PALM2AKAP2: variants seen among roughly 807,000 people sequenced by gnomAD.
PALM2AKAP2 encodes PALM2-AKAP2 fusion protein.
A neutral mutation model predicts 71.5 loss-of-function variants in PALM2AKAP2; 37 were observed. That is an observed-to-expected ratio of 0.52 (90% CI 0.40 to 0.68). PALM2AKAP2 has a LOEUF of 0.68. Ranked by LOEUF, PALM2AKAP2 falls within the 30% of genes least tolerant of loss-of-function variation. The probability of loss-of-function intolerance (pLI) is 0.00; values close to 1 mark genes in which losing one functional copy is unlikely to be tolerated. For missense variants in PALM2AKAP2, 1,224 were observed against 1,191.8 expected, an observed-to-expected ratio of 1.03 and a Z score of -0.40; for synonymous variants, 468 against 478.8, an observed-to-expected ratio of 0.98 and a Z score of 0.29.
chr9:109,861,767 A>G (rs1401177747), intron 1 of PALM2AKAP2, among the ~76,000 whole-genome samples: 9 of 152,148 alleles, frequency 5.9e-5, no homozygotes, highest in Non-Finnish European at 1.3e-4. Context: ...AGCAACAGTA[A>G]TTTATTTCAT....
At chr9:109,784,491 A>G (rs1274726286) in intron 1 of PALM2AKAP2, among the ~76,000 whole-genome samples, 4 of 152,240 alleles carry the variant, frequency 2.6e-5, no homozygotes, top group Non-Finnish European at 5.9e-5. Flanking sequence ...TATTCAGGAC[A>G]TTTAGTGTGA....
chr9:109,687,497 T>A (rs1277000492), intron 1 of PALM2AKAP2, among the ~76,000 whole-genome samples: 1 of 152,226 alleles, frequency 6.6e-6, no homozygotes, highest in Non-Finnish European at 1.5e-5. Context: ...TCAAACCTCA[T>A]GAACGAACCT....
intron 1 of PALM2AKAP2, among the ~76,000 whole-genome samples, chr9:109,794,596 G>T (rs1827200671): frequency 6.6e-6 from 1 of 152,046 alleles, no homozygotes; most frequent in Admixed American, 6.6e-5. Context: ...GGAACCCTTG[G>T]GACCAGGGCC....
intron 1 of PALM2AKAP2, among the ~76,000 whole-genome samples, chr9:110,103,373 T>C (rs1835045236): frequency 6.6e-6 from 1 of 152,214 alleles, no homozygotes; most frequent in East Asian, 1.9e-4. Context: ...TCATAGTCAC[T>C]GCATAGCTTG....
chr9:109,798,605 T>A (rs945672338), intron 1 of PALM2AKAP2, among the ~76,000 whole-genome samples: 1 of 152,208 alleles, frequency 6.6e-6, no homozygotes, highest in African/African-American at 2.4e-5. Flanking sequence ...GTTAAAAACA[T>A]TGGGCAAAGC....
chr9:109,734,166 C>G (rs909391067), intron 1 of PALM2AKAP2, among the ~76,000 whole-genome samples: 6 of 152,206 alleles, frequency 3.9e-5, no homozygotes, highest in Non-Finnish European at 8.8e-5. Flanking sequence ...ATTCCCACTA[C>G]TGGATTATCT....
chr9:109,643,901 G>C (rs1424518475), intron 1 of PALM2AKAP2, among the ~76,000 whole-genome samples: 5 of 152,202 alleles, frequency 3.3e-5, no homozygotes, highest in African/African-American at 1.2e-4. Flanking sequence ...AGTCAGCTCA[G>C]CTTCCGGTGA....
In PALM2AKAP2 at chr9:109,788,133, A is replaced by G. The variant is rs867629904; in HGVS notation, c.45+7600A>G. ...ACATCTAGATAGGTAATTGCTCTCTAACTCAACCAAAACAAATCTAAACCA... is the reference window on the plus strand; with the variant it reads ...ACATCTAGATAGGTAATTGCTCTCTGACTCAACCAAAACAAATCTAAACCA... On this transcript the variant is annotated intron_variant, in intron 1 of 9. Coordinates refer to the PALM2AKAP2 transcript ENST00000302798. 4.6e-5 allele frequency among the ~76,000 whole-genome samples: 7 copies of G among 152,334 alleles called. No individual in the cohort carries two copies. In the Middle Eastern group the frequency reaches 0.017, roughly 370 times the overall value.
chr9:110,172,261 G>A (rs896573646), exon 4 of PALM2AKAP2: 5 of 152,442 alleles, frequency 3.3e-5, no homozygotes, highest in African/African-American at 1.2e-4. Flanking sequence ...AGCATTCAGT[G>A]AGCTGCCAAT....
upstream of PALM2AKAP2, among the ~76,000 whole-genome samples, chr9:109,778,031 C>T (rs1454202037): frequency 6.6e-6 from 1 of 152,208 alleles, no homozygotes; most frequent in Non-Finnish European, 1.5e-5. Flanking sequence ...TCCATCACTC[C>T]TTTTAAAAAT....
intron 3 of PALM2AKAP2, among the ~76,000 whole-genome samples, chr9:110,168,182 A>G (rs1333328103): frequency 6.6e-6 from 1 of 152,234 alleles, no homozygotes; most frequent in Non-Finnish European, 1.5e-5. Flanking sequence ...GGTGAAAACT[A>G]GGGGTCAAGT....
At chr9:110,004,530 GTATCTTT>G (rs1324105774) in intron 6 of PALM2AKAP2, among the ~76,000 whole-genome samples, 2 of 152,152 alleles carry the variant, frequency 1.3e-5, no homozygotes, top group African/African-American at 4.8e-5. Flanking sequence ...TTCTCGAGGA[GTATCTTT>G]TTGGCATTCT....
chr9:110,160,355 A>C (rs942312101), intron 3 of PALM2AKAP2, among the ~76,000 whole-genome samples: 4 of 152,202 alleles, frequency 2.6e-5, no homozygotes, highest in African/African-American at 9.7e-5. Context: ...ATGTCCACTT[A>C]TCTGGGTCTC....
At chr9:109,969,451 C>T (rs138913337) in intron 6 of PALM2AKAP2, among the ~76,000 whole-genome samples, 32 of 152,306 alleles carry the variant, frequency 2.1e-4, no homozygotes, top group African/African-American at 7.7e-4. Flanking sequence ...GCAAGAAGTG[C>T]CACTTTGTTT....
chr9:109,848,518 TC>T (rs1267933457), intron 1 of PALM2AKAP2, among the ~76,000 whole-genome samples: 1 of 152,196 alleles, frequency 6.6e-6, no homozygotes, highest in Non-Finnish European at 1.5e-5. Flanking sequence ...GAATGCAGCC[TC>T]CTAGAGCTCA....
intron 5 of PALM2AKAP2, among the ~76,000 whole-genome samples, chr9:109,930,747 G>A (rs1227794904): frequency 6.6e-6 from 1 of 152,190 alleles, no homozygotes; most frequent in Non-Finnish European, 1.5e-5. Context: ...ATGCAGAGGA[G>A]GGGTCAGTGA....
chr9:109,900,834 C>T (rs1324543338), intron 3 of PALM2AKAP2, among the ~76,000 whole-genome samples: 1 of 152,234 alleles, frequency 6.6e-6, no homozygotes, highest in Admixed American at 6.5e-5. Context: ...CACCAAAAGA[C>T]AGTTAACTTT....
At chr9:109,752,835 G>A (rs1042403028) in intron 1 of PALM2AKAP2, among the ~76,000 whole-genome samples, 5 of 152,126 alleles carry the variant, frequency 3.3e-5, no homozygotes, top group Admixed American at 6.6e-5. Context: ...ACCAGTAGCC[G>A]GGCAATCTTG....
intron 1 of PALM2AKAP2, among the ~76,000 whole-genome samples, chr9:109,844,240 A>C (rs1282907768): frequency 6.6e-6 from 1 of 152,200 alleles, no homozygotes; most frequent in Non-Finnish European, 1.5e-5. Flanking sequence ...GGAGACTTAG[A>C]AAGGTTAAGT....
Sources: gnomAD v4.1 joint callset for allele counts (sites outside exome capture counted in the v4.1 genomes callset) on GRCh38, gnomAD v4.1.1 for gene constraint, MANE v1.5 for transcripts, NCBI Gene and HGNC (gene_info 2026-07-23, HGNC 2026-07-21) for gene names.